Variants in SUGCT observed in about 807,000 individuals in gnomAD.
SUGCT encodes succinyl-CoA:glutarate CoA-transferase.
A neutral mutation model predicts 55.0 loss-of-function variants in SUGCT; 41 were observed. The observed-to-expected ratio is 0.74, with a 90% CI of 0.58 to 0.97. The LOEUF (loss-of-function observed/expected upper bound fraction) is 0.97. Ranked by LOEUF, SUGCT falls within the 50% of genes least tolerant of loss-of-function variation. The pLI is 0.00. For missense variants in SUGCT, 568 were observed against 547.8 expected, an observed-to-expected ratio of 1.04 and a Z score of -0.37; for synonymous variants, 187 against 200.4, an observed-to-expected ratio of 0.93 and a Z score of 0.56.
At chr7:40,448,598 G>A (rs902620684) in intron 9 of SUGCT, among the ~76,000 whole-genome samples, 1 of 152,024 alleles carries the variant, frequency 6.6e-6, no homozygotes, top group East Asian at 2.0e-4. Flanking sequence ...CTGTAATCCC[G>A]GCACTTTGGG....
chr7:40,374,569 T>C (rs1314446350), intron 9 of SUGCT, among the ~76,000 whole-genome samples: 1 of 152,118 alleles, frequency 6.6e-6, no homozygotes, highest in Non-Finnish European at 1.5e-5. Context: ...GGAACTAGGG[T>C]TGTCTCAAAT....
At chr7:40,485,417 CTTTTTTTTTTTTTT>C (rs397889166) in intron 11 of SUGCT, among the ~76,000 whole-genome samples, 2 of 74,420 alleles carry the variant, frequency 2.7e-5, no homozygotes, top group African/African-American at 5.2e-5. Flanking sequence ...TATATACATT[CTTTTTTTTTTTTTT>C]TTTTTTTTTT....
At chr7:40,990,352 C>CT in the SUGCT span, among the ~76,000 whole-genome samples, 353 of 152,246 alleles carry the variant, frequency 2.3e-3, no homozygotes, top group South Asian at 6.4e-3. Context: ...GAATCTTTTT[C>CT]TTTTTTCCTG....
intron 6 of SUGCT, among the ~76,000 whole-genome samples, chr7:40,235,990 C>T (rs1788987015): frequency 6.6e-6 from 1 of 152,118 alleles, no homozygotes; most frequent in Non-Finnish European, 1.5e-5. Context: ...CATTGGGTCA[C>T]TCTGCTTGAT....
At chr7:40,524,462 G>A (rs914176476) in intron 12 of SUGCT, among the ~76,000 whole-genome samples, 3 of 151,916 alleles carry the variant, frequency 2.0e-5, no homozygotes, top group South Asian at 2.1e-4. Context: ...TAGTTTGCTC[G>A]TGTATTTATT....
At chr7:40,609,766 A>G (rs1798690314) in intron 12 of SUGCT, among the ~76,000 whole-genome samples, 1 of 152,228 alleles carries the variant, frequency 6.6e-6, no homozygotes, top group Non-Finnish European at 1.5e-5. Context: ...TTTGCTTTGC[A>G]TAATGCATTG....
At chr7:40,846,782 C>G (rs138435447) in intron 13 of SUGCT, among the ~76,000 whole-genome samples, 114 of 152,266 alleles carry the variant, frequency 7.5e-4, no homozygotes, top group Non-Finnish European at 1.3e-3. Flanking sequence ...CCAGTGTTAA[C>G]GAGCACGCAC....
chr7:40,494,239 T>C (rs1791854923), intron 11 of SUGCT, among the ~76,000 whole-genome samples: 2 of 152,298 alleles, frequency 1.3e-5, no homozygotes, highest in South Asian at 2.1e-4. Flanking sequence ...GTCTTGAAAA[T>C]TTATCAGGCT....
chr7:40,708,094 G>A (rs971928214), intron 12 of SUGCT, among the ~76,000 whole-genome samples: 3 of 152,124 alleles, frequency 2.0e-5, no homozygotes, highest in Non-Finnish European at 4.4e-5. Flanking sequence ...ATAGAATGTG[G>A]TCTCAAGGAT....
chr7:40,488,706 T>C (rs1791520806), intron 11 of SUGCT, among the ~76,000 whole-genome samples: 1 of 152,302 alleles, frequency 6.6e-6, no homozygotes, highest in African/African-American at 2.4e-5. Context: ...TTATTTCTCC[T>C]TTATTTCTGA....
At chr7:40,223,602 A>G (rs1788169282) in intron 6 of SUGCT, among the ~76,000 whole-genome samples, 1 of 152,108 alleles carries the variant, frequency 6.6e-6, no homozygotes, top group Non-Finnish European at 1.5e-5. Context: ...CTGCTCTGGG[A>G]TTTGGAGCCA....
intron 11 of SUGCT, among the ~76,000 whole-genome samples, chr7:40,494,373 A>G (rs1166558194): frequency 6.6e-6 from 1 of 152,196 alleles, no homozygotes; most frequent in Non-Finnish European, 1.5e-5. Context: ...TTATCTATAT[A>G]TATTTTAGGA....
At chr7:40,285,729 A>C (rs1221292893) in intron 8 of SUGCT, among the ~76,000 whole-genome samples, 1 of 152,172 alleles carries the variant, frequency 6.6e-6, no homozygotes, top group Non-Finnish European at 1.5e-5. Context: ...AGTTCTTCAC[A>C]GAATGGGTAT....
chr7:40,539,954 G>A (rs548348102), intron 12 of SUGCT, among the ~76,000 whole-genome samples: 2 of 152,158 alleles, frequency 1.3e-5, no homozygotes, highest in African/African-American at 4.8e-5. Flanking sequence ...GTATATCTGG[G>A]GAGTAGATAA....
At chr7:40,404,756 A>G (rs535482513) in intron 9 of SUGCT, among the ~76,000 whole-genome samples, 92 of 152,086 alleles carry the variant, frequency 6.0e-4, no homozygotes, top group Non-Finnish European at 1.1e-3. Flanking sequence ...ATTTGTTGCT[A>G]TCTCTTTGCC....
chr7:40,761,309 A>T (rs186093076), intron 13 of SUGCT, among the ~76,000 whole-genome samples: 1 of 152,320 alleles, frequency 6.6e-6, no homozygotes. Context: ...AATGGAGACC[A>T]CGCAGTGTGA....
At chr7:40,220,620 A>G (rs1787966350) in intron 6 of SUGCT, among the ~76,000 whole-genome samples, 4 of 152,242 alleles carry the variant, frequency 2.6e-5, no homozygotes, top group Admixed American at 2.6e-4. Flanking sequence ...AGTACTCTTT[A>G]TGCAGTAGTT....
intron 7 of SUGCT, among the ~76,000 whole-genome samples, chr7:40,242,927 ATATATATTTTT>A (rs1397517785): frequency 7.3e-5 from 2 of 27,280 alleles, no homozygotes; most frequent in Admixed American, 5.3e-4. Flanking sequence ...ATATATATAT[ATATATATTTTT>A]TTTTTTTTTT....
intron 13 of SUGCT, among the ~76,000 whole-genome samples, chr7:40,787,382 A>T (rs547155356): frequency 5.2e-4 from 79 of 152,150 alleles, no homozygotes; most frequent in African/African-American, 1.8e-3. Flanking sequence ...ACCTACTAGA[A>T]ATGGTGACTT....
Sources: gnomAD v4.1 joint callset for allele counts (sites outside exome capture counted in the v4.1 genomes callset) on GRCh38, gnomAD v4.1.1 for gene constraint, MANE v1.5 for transcripts, NCBI Gene and HGNC (gene_info 2026-07-23, HGNC 2026-07-21) for gene names.